The following WWOX variants were observed in gnomAD, a reference collection of about 807,000 sequenced individuals.
WWOX encodes the protein WW domain-containing oxidoreductase.
WWOX carries 69 observed loss-of-function variants against 46.2 expected under a neutral mutation model. That is an observed-to-expected ratio of 1.49 (90% CI 1.23 to 1.82). WWOX has a LOEUF of 1.82. Among genes scored for constraint, WWOX ranks in the 40% most tolerant of loss-of-function variants. The pLI, the probability that WWOX is intolerant of heterozygous loss-of-function variation, is 0.00. For missense variants in WWOX, 919 were observed against 542.6 expected, an observed-to-expected ratio of 1.69 and a Z score of -6.89; for synonymous variants, 359 against 202.6, an observed-to-expected ratio of 1.77 and a Z score of -6.56.
At chr16:78,513,228 T>G (rs1597193297) in intron 8 of WWOX, among the ~76,000 whole-genome samples, 1 of 152,194 alleles carries the variant, frequency 6.6e-6, no homozygotes, top group Non-Finnish European at 1.5e-5. Flanking sequence ...TAAAATAAAT[T>G]ATACTTCAAA....
At position 78,499,567 on chromosome 16, in the gene WWOX, G is replaced by A. The variant is rs186369264; in HGVS notation, c.1056+66815G>A. Among the ~76,000 whole-genome samples the A allele has an allele frequency of 2.7e-4, 41 of 152,364 alleles. No homozygotes were observed. In the East Asian group the frequency reaches 6.4e-3, roughly 24 times the overall value. On this transcript the variant is annotated intron_variant, in intron 8 of 8. Coordinates refer to ENST00000566780, the MANE Select transcript of WWOX (RefSeq NM_016373.4). ...GAGTCCACAATGCCGGGCGGTGGAC[G>A]GGCTTCCTGCCTCCTGGCCCAGGGC...
chr16:78,709,370 C>A (rs1169754571), intron 8 of WWOX, among the ~76,000 whole-genome samples: 1 of 152,206 alleles, frequency 6.6e-6, no homozygotes, highest in South Asian at 2.1e-4. Flanking sequence ...GGAAAGCCCG[C>A]GATTCTCGGC....
chr16:79,108,539 A>G (rs1388171873), intron 8 of WWOX, among the ~76,000 whole-genome samples: 1 of 152,260 alleles, frequency 6.6e-6, no homozygotes, highest in Non-Finnish European at 1.5e-5. Context: ...CCATCTGGGC[A>G]CTTCATATGC....
At chr16:78,860,991 AT>A (rs533474891) in intron 8 of WWOX, among the ~76,000 whole-genome samples, 1 of 150,828 alleles carries the variant, frequency 6.6e-6, no homozygotes, top group Non-Finnish European at 1.5e-5. Context: ...AATTTTTTGT[AT>A]TTTTTTTTGT....
intron 8 of WWOX, among the ~76,000 whole-genome samples, chr16:79,049,585 C>T (rs993001252): frequency 6.6e-6 from 1 of 152,138 alleles, no homozygotes; most frequent in East Asian, 1.9e-4. Context: ...CCCTTGTAAT[C>T]CCAGCACTTT....
At chr16:78,377,674 A>C (rs961051038) in intron 5 of WWOX, among the ~76,000 whole-genome samples, 3 of 152,160 alleles carry the variant, frequency 2.0e-5, no homozygotes, top group Non-Finnish European at 4.4e-5. Context: ...GGGAAATAGG[A>C]AGGTTTTGGA....
intron 8 of WWOX, among the ~76,000 whole-genome samples, chr16:78,540,756 A>G (rs1339257269): frequency 6.6e-6 from 1 of 152,098 alleles, no homozygotes; most frequent in Non-Finnish European, 1.5e-5. Context: ...ACATGATCAT[A>G]ACTCATGGTG....
At chr16:78,450,107 T>C (rs1287855710) in intron 8 of WWOX, among the ~76,000 whole-genome samples, 1 of 152,208 alleles carries the variant, frequency 6.6e-6, no homozygotes, top group African/African-American at 2.4e-5. Flanking sequence ...AGTATAGTTT[T>C]CATGTTATAA....
At chr16:78,575,755 C>T (rs939426254) in intron 8 of WWOX, among the ~76,000 whole-genome samples, 3 of 152,132 alleles carry the variant, frequency 2.0e-5, no homozygotes, top group Non-Finnish European at 4.4e-5. Context: ...TAAATCACAA[C>T]TCTATTTACT....
At chr16:79,206,052 G>C (rs749024712) in intron 8 of WWOX, 1 of 152,112 alleles carries the variant, frequency 6.6e-6, no homozygotes, top group Admixed American at 6.5e-5. Flanking sequence ...TTGGATCATC[G>C]AAGGGGGTGC....
chr16:78,520,384 A>G (rs1385395092), intron 8 of WWOX, among the ~76,000 whole-genome samples: 1 of 152,196 alleles, frequency 6.6e-6, no homozygotes, highest in African/African-American at 2.4e-5. Flanking sequence ...ATTGATTTTC[A>G]TGTCTCGAAG....
chr16:79,122,832 T>C, intron 8 of WWOX, among the ~76,000 whole-genome samples: 1 of 152,122 alleles, frequency 6.6e-6, no homozygotes, highest in Non-Finnish European at 1.5e-5. Flanking sequence ...ATGAAATACA[T>C]CTTCATATGC....
intron 4 of WWOX, among the ~76,000 whole-genome samples, chr16:78,118,579 T>G (rs751122675): frequency 6.6e-6 from 1 of 152,168 alleles, no homozygotes; most frequent in Non-Finnish European, 1.5e-5. Flanking sequence ...TTTGTGTATA[T>G]TCAGTTATCC....
intron 8 of WWOX, among the ~76,000 whole-genome samples, chr16:78,596,185 A>C (rs193066035): frequency 6.6e-6 from 1 of 152,230 alleles, no homozygotes; most frequent in Non-Finnish European, 1.5e-5. Context: ...AGTGATATCA[A>C]CAAAACAAAA....
intron 8 of WWOX, among the ~76,000 whole-genome samples, chr16:78,927,237 G>A (rs1258238669): frequency 7.9e-5 from 12 of 152,196 alleles, no homozygotes; most frequent in Admixed American, 7.9e-4. Flanking sequence ...CTGGCTGGTT[G>A]TTACTTATCC....
chr16:78,252,365 A>C (rs145739586), intron 5 of WWOX, among the ~76,000 whole-genome samples: 209 of 152,346 alleles, frequency 1.4e-3, no homozygotes, highest in South Asian at 0.011. Flanking sequence ...AACAGAAATG[A>C]GTTAAAATTG....
At chr16:78,915,434 C>T (rs1314841706) in intron 8 of WWOX, among the ~76,000 whole-genome samples, 1 of 152,136 alleles carries the variant, frequency 6.6e-6, no homozygotes, top group East Asian at 1.9e-4. Context: ...AAATGTAAAT[C>T]GACTTAATAT....
chr16:78,725,816 C>A (rs774461543), intron 8 of WWOX, among the ~76,000 whole-genome samples: 2 of 151,992 alleles, frequency 1.3e-5, no homozygotes, highest in Non-Finnish European at 2.9e-5. Context: ...GCATTGCGGG[C>A]GGTGCTTGGT....
chr16:78,515,037 T>C (rs2085456804), intron 8 of WWOX, among the ~76,000 whole-genome samples: 1 of 152,070 alleles, frequency 6.6e-6, no homozygotes, highest in African/African-American at 2.4e-5. Context: ...CTGGCCAGTG[T>C]GGCAAAACCC....
Sources: gnomAD v4.1 joint callset for allele counts (sites outside exome capture counted in the v4.1 genomes callset) on GRCh38, gnomAD v4.1.1 for gene constraint, MANE v1.5 for transcripts, NCBI Gene and HGNC (gene_info 2026-07-23, HGNC 2026-07-21) for gene names.